Variants in BCAS3 observed in about 807,000 individuals in gnomAD.
BCAS3 encodes BCAS3 microtubule associated cell migration factor, also known as BCAS4/BCAS3 fusion.
Under a neutral mutation model 116.1 loss-of-function variants are expected in BCAS3, and 53 were observed. That is an observed-to-expected ratio of 0.46 (90% CI 0.37 to 0.57). BCAS3 has a LOEUF of 0.57. Among genes scored for constraint, BCAS3 ranks in the 20% least tolerant of loss-of-function variants. The probability of loss-of-function intolerance (pLI) is 0.00; values close to 1 mark genes in which losing one functional copy is unlikely to be tolerated. For synonymous variants in BCAS3, 391 were observed against 408.2 expected (o/e 0.96, Z 0.51); for missense variants, 917 against 1,165.4 (o/e 0.79, Z 3.10).
intron 23 of BCAS3, among the ~76,000 whole-genome samples, chr17:61,369,505 T>C (rs2058933079): frequency 6.6e-6 from 1 of 152,152 alleles, no homozygotes; most frequent in South Asian, 2.1e-4. Flanking sequence ...GGGCTTGAAA[T>C]GTCTGACATC....
At chr17:60,748,441 ACT>A (rs1055017614) in intron 6 of BCAS3, among the ~76,000 whole-genome samples, 2 of 151,454 alleles carry the variant, frequency 1.3e-5, no homozygotes, top group African/African-American at 4.9e-5. Flanking sequence ...ATGCTCTGTC[ACT>A]CTCTCTCTTG....
intron 7 of BCAS3, among the ~76,000 whole-genome samples, chr17:60,856,632 A>G (rs934379351): frequency 6.6e-6 from 1 of 152,160 alleles, no homozygotes; most frequent in African/African-American, 2.4e-5. Context: ...CAGAGGTAGC[A>G]GTGAGCCAAG....
chr17:60,688,575 A>C (rs887349681), intron 3 of BCAS3, among the ~76,000 whole-genome samples: 12 of 152,076 alleles, frequency 7.9e-5, no homozygotes, highest in Non-Finnish European at 1.6e-4. Context: ...GCACTTTGGG[A>C]TGCCGAGGCG....
In BCAS3 at chr17:61,007,808, G is replaced by A. The variant is rs2064823384; in HGVS notation, c.1487-7943G>A. On this transcript the variant is annotated intron_variant, in intron 15 of 23. Coordinates refer to ENST00000407086, the MANE Select transcript of BCAS3 (RefSeq NM_017679.5). This position sits in a 1 kb window ranked among gnomAD's most constrained non-coding sequence, Gnocchi z 4.3. Reference sequence around the variant, plus strand: ...CTCACCCTTTCTCAAAGTACCTACAGTAATGTCTATGGTGACGTGAACTTT... The same window carrying A: ...CTCACCCTTTCTCAAAGTACCTACAATAATGTCTATGGTGACGTGAACTTT... Among the ~76,000 whole-genome samples, 1 of 151,976 alleles carries A rather than the reference G, an allele frequency of 6.6e-6. No individual in the cohort carries two copies. Among genetic ancestry groups the A allele is most frequent in the Admixed American group, 6.6e-5 (1 of 15,234 alleles).
chr17:61,146,431 G>A (rs887076699), intron 22 of BCAS3, among the ~76,000 whole-genome samples: 4 of 151,934 alleles, frequency 2.6e-5, no homozygotes, highest in Non-Finnish European at 5.9e-5. Context: ...AGCCAAGGTC[G>A]CTTACTTGTG....
In BCAS3 at chr17:61,211,239, G is replaced by A. The variant is rs1448908291; in HGVS notation, c.2425+126675G>A. 1.3e-5 allele frequency among the ~76,000 whole-genome samples: 2 copies of A among 152,158 alleles called. No homozygotes were observed. The highest frequency in any genetic ancestry group is 2.9e-5 in the Non-Finnish European group (2 of 68,032). Reference sequence around the variant, plus strand: ...CTCTGTAATCAGTAATCATTGTCTGGTGTGTTCAGATGATAATCCAGTTGG... The same window carrying A: ...CTCTGTAATCAGTAATCATTGTCTGATGTGTTCAGATGATAATCCAGTTGG... On this transcript the variant is annotated intron_variant, in intron 22 of 23. Coordinates refer to ENST00000407086, the MANE Select transcript of BCAS3 (RefSeq NM_017679.5). This position sits in a 1 kb window ranked among gnomAD's most constrained non-coding sequence, Gnocchi z 4.4.
intron 19 of BCAS3, chr17:61,070,403 T>TA: frequency 1.6e-5 from 1 of 63,700 alleles, no homozygotes. Context: ...ATATATATCT[T>TA]TTCACCATTT....
At chr17:61,174,838 G>A (rs2079048747) in intron 22 of BCAS3, among the ~76,000 whole-genome samples, 1 of 152,160 alleles carries the variant, frequency 6.6e-6, no homozygotes, top group South Asian at 2.1e-4. Context: ...GAATACACTC[G>A]ATAGACACAG....
At position 60,761,266 on chromosome 17, in the gene BCAS3, G is replaced by A. The variant is rs182181376; in HGVS notation, c.403+13987G>A. Among the ~76,000 whole-genome samples the A allele has an allele frequency of 1.3e-3, 198 of 152,008 alleles. 1 individual carries two copies. The highest frequency in any genetic ancestry group is 4.6e-3 in the African/African-American group (190 of 41,446). ...CTAGGGTACATGTGCACAAAGTGCA[G>A]GTTTGTTGCATATGTATACATGTGC... On this transcript the variant is annotated intron_variant, in intron 6 of 23. Transcript: ENST00000407086.
chr17:60,851,239 C>T (rs769726061), intron 7 of BCAS3: 1 of 221,120 alleles, frequency 4.5e-6, no homozygotes, highest in Non-Finnish European at 9.5e-6. Flanking sequence ...AGAAAATGAA[C>T]AATCCTATTA....
intron 7 of BCAS3, among the ~76,000 whole-genome samples, chr17:60,837,293 A>G (rs1332490985): frequency 2.0e-5 from 3 of 152,198 alleles, no homozygotes; most frequent in East Asian, 3.8e-4. Flanking sequence ...TCAGCAGATT[A>G]TCATACCTCC....
intron 22 of BCAS3, among the ~76,000 whole-genome samples, chr17:61,330,773 C>A (rs1301165473): frequency 6.6e-6 from 1 of 152,210 alleles, no homozygotes; most frequent in South Asian, 2.1e-4. Flanking sequence ...GAGTTCTAAT[C>A]CCAGCACTAT....
At chr17:60,865,327 G>T (rs1039919897) in intron 7 of BCAS3, among the ~76,000 whole-genome samples, 8 of 152,138 alleles carry the variant, frequency 5.3e-5, no homozygotes, top group Non-Finnish European at 8.8e-5. Context: ...CTTTAAAAAG[G>T]CCTGGTAGGA....
At position 61,376,929 on chromosome 17, in the gene BCAS3, C is replaced by G. The variant is rs8072961; in HGVS notation, c.2593+8435C>G. On this transcript the variant is annotated intron_variant, in intron 23 of 23. Coordinates refer to ENST00000407086, the MANE Select transcript of BCAS3 (RefSeq NM_017679.5). The surrounding 1 kb of genome is among the most constrained non-coding windows in gnomAD (Gnocchi z 4.5). ...TTTCTGTGGTTGGGGCAGGCAGGGT[C>G]TCCATCGGTATCTGCCAGTTTCTTC... is the stretch of plus-strand genomic sequence containing the variant. Among the ~76,000 whole-genome samples, 114,179 of 152,186 alleles carry G rather than the reference C, an allele frequency of 0.75. 48,408 individuals are homozygous for G. Among genetic ancestry groups the G allele is most frequent in the Non-Finnish European group, 0.93 (63,324 of 68,024 alleles).
intron 13 of BCAS3, among the ~76,000 whole-genome samples, chr17:60,933,886 G>C (rs1480194206): frequency 6.6e-6 from 1 of 152,082 alleles, no homozygotes; most frequent in East Asian, 1.9e-4. Context: ...TAGTAGGTTT[G>C]TACTTACTCT....
chr17:61,361,709 G>A lies in BCAS3; in HGVS notation c.2426-6618G>A, dbSNP rs2058460880. On this transcript the variant is annotated intron_variant, in intron 22 of 23. Coordinates refer to ENST00000407086, the MANE Select transcript of BCAS3 (RefSeq NM_017679.5). The surrounding 1 kb of genome is among the most constrained non-coding windows in gnomAD (Gnocchi z 6.5). Reference sequence around the variant, plus strand: ...TTTATTTTGGGAATTGGAAATGGAGGTCAAGAAGTCCCACTGTCTGTTGTC... The same window carrying A: ...TTTATTTTGGGAATTGGAAATGGAGATCAAGAAGTCCCACTGTCTGTTGTC... The A allele has an allele frequency of 1.3e-5, 2 of 152,130 alleles. No homozygotes were observed. The highest frequency in any genetic ancestry group is 6.5e-5 in the Admixed American group (1 of 15,280). 9.4% of individuals were successfully genotyped at this position (152,130 alleles called of 1,614,324 possible). A position where few individuals can be genotyped will look rare whatever the true frequency, so the allele number is the denominator to read the frequency against.
Position 61,279,999 on chromosome 17 carries a change from T to C in BCAS3, c.2426-88328T>C, listed in dbSNP as rs1041632724. On this transcript the variant is annotated intron_variant, in intron 22 of 23. Transcript: ENST00000407086. This position sits in a 1 kb window ranked among gnomAD's most constrained non-coding sequence, Gnocchi z 4.4. ...CTCCAGAACCATAAGTACTTTCCTT[T>C]AGTCAAATATTTATCTCTTGGGTAA... Among the ~76,000 whole-genome samples, 5 of 152,170 alleles carry C rather than the reference T, an allele frequency of 3.3e-5. No homozygotes were observed. The highest frequency in any genetic ancestry group is 1.2e-4 in the African/African-American group (5 of 41,442).
intron 16 of BCAS3, among the ~76,000 whole-genome samples, chr17:61,025,465 A>G (rs929009233): frequency 7.9e-5 from 12 of 152,088 alleles, no homozygotes; most frequent in African/African-American, 2.9e-4. Flanking sequence ...ATGTTTATAA[A>G]ACATTGAAAT....
In BCAS3 at chr17:61,333,822, G is replaced by T. The variant is rs938672066; in HGVS notation, c.2426-34505G>T. ...TTTCAGTAAAATGGGGTTTCACCATGTTGGCCAAGCCGGTCTCAAACTCCT... is the reference window on the plus strand; with the variant it reads ...TTTCAGTAAAATGGGGTTTCACCATTTTGGCCAAGCCGGTCTCAAACTCCT... On this transcript the variant is annotated intron_variant, in intron 22 of 23. Coordinates refer to ENST00000407086, the MANE Select transcript of BCAS3 (RefSeq NM_017679.5). This position sits in a 1 kb window ranked among gnomAD's most constrained non-coding sequence, Gnocchi z 4.8. 6.6e-6 allele frequency among the ~76,000 whole-genome samples: 1 copy of T among 151,930 alleles called. No homozygotes were observed.
Sources: allele counts gnomAD v4.1 joint callset (sites outside exome capture counted in the v4.1 genomes callset), GRCh38; gene constraint gnomAD v4.1.1; non-coding constraint Gnocchi (gnomAD v3.1); transcripts MANE v1.5; gene names NCBI Gene and HGNC (gene_info 2026-07-23, HGNC 2026-07-21).